The following JPH3 variants were observed in gnomAD, a reference collection of about 807,000 sequenced individuals.
JPH3 encodes the protein junctophilin-3.
A neutral mutation model predicts 59.6 loss-of-function variants in JPH3; 11 were observed. The ratio of observed to expected loss-of-function variants is 0.18; its 90% CI spans 0.12 to 0.31. The LOEUF is 0.31. Among genes scored for constraint, JPH3 ranks in the 10% least tolerant of loss-of-function variants. The pLI, the probability that JPH3 is intolerant of heterozygous loss-of-function variation, is 1.00. For missense variants in JPH3, 1,202 were observed against 1,105.7 expected (o/e 1.09, Z -1.24); for synonymous variants, 673 against 483.6 (o/e 1.39, Z -5.14).
intron 1 of JPH3, among the ~76,000 whole-genome samples, chr16:87,629,459 C>G (rs559213148): frequency 6.6e-6 from 1 of 151,336 alleles, no homozygotes; most frequent in Non-Finnish European, 1.5e-5. Context: ...AAAAGACATT[C>G]CCTTTATTTG....
chr16:87,666,705 G>C (rs1040225297), intron 2 of JPH3, among the ~76,000 whole-genome samples: 1 of 152,202 alleles, frequency 6.6e-6, no homozygotes, highest in Non-Finnish European at 1.5e-5. Flanking sequence ...ACAGTGCTGG[G>C]ATTACAGGAT....
At position 87,607,435 on chromosome 16, in the gene JPH3, C is replaced by A. The variant is rs1008534656; in HGVS notation, c.382+3907C>A. 5.3e-5 allele frequency among the ~76,000 whole-genome samples: 8 copies of A among 152,346 alleles called. No individual in the cohort carries two copies. In the East Asian group the frequency reaches 9.6e-4, roughly 18 times the overall value. ...ACCCACAGTCGGAATTCAGATCCCC[C>A]CAGGCGCCTGCGCACACACACGCGC... On this transcript the variant is annotated intron_variant, in intron 1 of 4. Transcript: ENST00000284262.
rs570631821 is a variant in JPH3, at chr16:87,617,780, G to A, written c.382+14252G>A. Among the ~76,000 whole-genome samples, 105 of 152,234 alleles carry A rather than the reference G, an allele frequency of 6.9e-4. No individual in the cohort carries two copies. The Middle Eastern group carries it at 0.017, about 25-fold the overall frequency. ...AACATGCTCAGCAGAGAAGCTGTGC[G>A]CAGCCGGGGCAGGGGTGCGTCCATG... On this transcript the variant is annotated intron_variant, in intron 1 of 4. Coordinates refer to ENST00000284262, the MANE Select transcript of JPH3 (RefSeq NM_020655.4).
intron 2 of JPH3, among the ~76,000 whole-genome samples, chr16:87,666,358 A>G (rs950247691): frequency 1.4e-5 from 2 of 147,948 alleles, no homozygotes; most frequent in Admixed American, 1.4e-4. Context: ...CAAAGTGCTT[A>G]TATTACAGGC....
At position 87,603,115 on chromosome 16, in the gene JPH3, C is replaced by G. The variant is rs1306569345; in HGVS notation, c.-32C>G. 2 of 1,613,476 alleles carry G rather than the reference C, an allele frequency of 1.2e-6. No individual in the cohort carries two copies. The highest frequency in any genetic ancestry group is 1.1e-5 in the South Asian group (1 of 91,060). ...TGTCGATCGCCTGAGTCCGTTTTCACCGTTTGCGGGATCTGGAACCGAGTT... is the reference window on the plus strand; with the variant it reads ...TGTCGATCGCCTGAGTCCGTTTTCAGCGTTTGCGGGATCTGGAACCGAGTT... On this transcript the variant is annotated 5_prime_UTR_variant, in exon 1 of 5. Coordinates refer to ENST00000284262, the MANE Select transcript of JPH3 (RefSeq NM_020655.4).
intron 2 of JPH3, among the ~76,000 whole-genome samples, chr16:87,670,341 G>A (rs564866472): frequency 2.6e-5 from 4 of 152,332 alleles, no homozygotes; most frequent in South Asian, 2.1e-4. Context: ...CCCACGTGTG[G>A]CCTCTGCAGG....
At chr16:87,674,423 G>A (rs867456784) in intron 2 of JPH3, among the ~76,000 whole-genome samples, 2 of 152,258 alleles carry the variant, frequency 1.3e-5, no homozygotes, top group South Asian at 2.1e-4. Flanking sequence ...GAGAGTGTTT[G>A]AAAACTGGAG....
chr16:87,651,554 C>T lies in JPH3; in HGVS notation c.1160+6519C>T, dbSNP rs550346094. On this transcript the variant is annotated intron_variant, in intron 2 of 4. Coordinates refer to ENST00000284262, the MANE Select transcript of JPH3 (RefSeq NM_020655.4). The stretch of plus-strand genomic sequence containing the variant: ...ACAAGAATTTAGAAGAAGTTGATTC[C>T]AGCCCTCATGGACGGCTTTAGGGGC... Among the ~76,000 whole-genome samples the T allele has an allele frequency of 3.2e-4, 48 of 152,272 alleles. 1 individual carries two copies. Among genetic ancestry groups the T allele is most frequent in the African/African-American group, 1.2e-3 (48 of 41,558 alleles).
chr16:87,651,909 C>T (rs952820937), intron 2 of JPH3, among the ~76,000 whole-genome samples: 1 of 152,160 alleles, frequency 6.6e-6, no homozygotes, highest in Non-Finnish European at 1.5e-5. Flanking sequence ...CAAATAGCAT[C>T]ACATGCTACA....
At chr16:87,633,374 C>T (rs1426073402) in intron 1 of JPH3, among the ~76,000 whole-genome samples, 3 of 61,118 alleles carry the variant, frequency 4.9e-5, no homozygotes, top group South Asian at 6.2e-4. Flanking sequence ...TAGAGGATGC[C>T]GGGGGTGGGG....
intron 2 of JPH3, among the ~76,000 whole-genome samples, chr16:87,656,598 G>C (rs769737071): frequency 3.3e-5 from 5 of 152,248 alleles, no homozygotes; most frequent in Admixed American, 6.5e-5. Context: ...GAATCAGTCA[G>C]TGCCTGGGAA....
chr16:87,680,616 G>A (rs1323468796), intron 2 of JPH3, among the ~76,000 whole-genome samples: 1 of 152,212 alleles, frequency 6.6e-6, no homozygotes, highest in African/African-American at 2.4e-5. Context: ...GGGGCCCCAG[G>A]TGAGCTCAGA....
At chr16:87,650,392 T>C (rs969509129) in intron 2 of JPH3, among the ~76,000 whole-genome samples, 2 of 152,170 alleles carry the variant, frequency 1.3e-5, no homozygotes, top group Non-Finnish European at 2.9e-5. Context: ...TCTCCTCTGG[T>C]CTCCCTATTC....
In JPH3 at chr16:87,603,218, G is replaced by T. The variant is rs368692057; in HGVS notation, c.72G>T (p.Ala24=). 6 of 1,613,784 alleles carry T rather than the reference G, an allele frequency of 3.7e-6. No individual in the cohort carries two copies. Among genetic ancestry groups the T allele is most frequent in the Non-Finnish European group, 4.2e-6 (5 of 1,179,934 alleles). Residue 24 remains alanine, a synonymous_variant, in exon 1 of 5, where the codon GCG becomes GCT. Transcript: ENST00000284262. ...SYCGGWEDGK[A]HGHGVCTGPK... ...GTGGAGGCTGGGAGGACGGCAAGGC[G>T]CACGGCCATGGCGTCTGCACCGGCC... is the stretch of plus-strand genomic sequence containing the variant.
intron 1 of JPH3, among the ~76,000 whole-genome samples, chr16:87,619,792 G>C (rs1435709133): frequency 6.6e-6 from 1 of 152,184 alleles, no homozygotes; most frequent in Non-Finnish European, 1.5e-5. Flanking sequence ...TTCTTGGTTG[G>C]GGGAATAGGA....
At chr16:87,638,938 G>T (rs1435007261) in intron 1 of JPH3, among the ~76,000 whole-genome samples, 2 of 152,126 alleles carry the variant, frequency 1.3e-5, no homozygotes, top group East Asian at 1.9e-4. Flanking sequence ...TTTGCAGTGG[G>T]CCCAGGACGG....
At chr16:87,625,951 T>G (rs1460443718) in intron 1 of JPH3, among the ~76,000 whole-genome samples, 1 of 152,198 alleles carries the variant, frequency 6.6e-6, no homozygotes, top group Non-Finnish European at 1.5e-5. Flanking sequence ...CAGCGCACGT[T>G]CCACGGGACA....
At chr16:87,658,494 T>C (rs2032585084) in intron 2 of JPH3, among the ~76,000 whole-genome samples, 2 of 152,120 alleles carry the variant, frequency 1.3e-5, no homozygotes, top group Admixed American at 1.3e-4. Context: ...TTTGTCCTTG[T>C]CTCTTTTTCT....
intron 3 of JPH3, 128 bp downstream of exon 3, chr16:87,684,394 G>A: frequency 2.1e-6 from 3 of 1,410,670 alleles, no homozygotes; most frequent in Non-Finnish European, 2.9e-6. Flanking sequence ...CTGCTCCCCT[G>A]CCCGGTGTCT....
Sources: allele counts gnomAD v4.1 joint callset (sites outside exome capture counted in the v4.1 genomes callset), GRCh38; gene constraint gnomAD v4.1.1; transcripts MANE v1.5; gene names NCBI Gene and HGNC (gene_info 2026-07-23, HGNC 2026-07-21).